The following PAK1 variants were observed in gnomAD, a reference collection of about 807,000 sequenced individuals.
PAK1 encodes the protein serine/threonine-protein kinase PAK 1.
In PAK1, 29 loss-of-function variants were observed where a neutral mutation model predicts 67.4. That is an observed-to-expected ratio of 0.43 (90% CI 0.32 to 0.59). The LOEUF is 0.59. PAK1 is among the 20% of genes least tolerant of loss of function. PAK1 has a pLI of 0.07. For synonymous variants in PAK1, 223 were observed against 237.4 expected (o/e 0.94, Z 0.56); for missense variants, 337 against 670.7 (o/e 0.50, Z 5.50).
the PAK1 span, among the ~76,000 whole-genome samples, chr11:77,506,711 G>T: frequency 2.0e-5 from 3 of 152,054 alleles, no homozygotes; most frequent in East Asian, 5.8e-4. Context: ...GTCAACATAT[G>T]GTGGTTTATT....
intron 1 of PAK1, among the ~76,000 whole-genome samples, chr11:77,444,795 A>G (rs758450289): frequency 1.3e-5 from 2 of 152,072 alleles, no homozygotes; most frequent in African/African-American, 2.4e-5. Context: ...TGTTTGGGGG[A>G]TCTCAAAACT....
the PAK1 span, among the ~76,000 whole-genome samples, chr11:77,484,774 G>C: frequency 1.3e-5 from 2 of 152,216 alleles, no homozygotes; most frequent in Non-Finnish European, 2.9e-5. Context: ...CATGGAGCTA[G>C]AAAATAGAAT....
At chr11:77,501,751 A>G in the PAK1 span, among the ~76,000 whole-genome samples, 22 of 152,356 alleles carry the variant, frequency 1.4e-4, no homozygotes, top group African/African-American at 5.3e-4. Flanking sequence ...AAGAAAAACA[A>G]GAGTCAAGAC....
chr11:77,327,282 A>ACC (rs1940199079), intron 14 of PAK1, among the ~76,000 whole-genome samples: 2 of 152,170 alleles, frequency 1.3e-5, no homozygotes, highest in East Asian at 1.9e-4. Flanking sequence ...AAATACAGAG[A>ACC]ATGCCACAAA....
chr11:77,490,594 C>T, the PAK1 span, among the ~76,000 whole-genome samples: 1 of 150,750 alleles, frequency 6.6e-6, no homozygotes, highest in African/African-American at 2.4e-5. Flanking sequence ...AGTGAGGAGC[C>T]CCTCTGCCCG....
At chr11:77,469,962 A>G (rs563186736) in intron 1 of PAK1, among the ~76,000 whole-genome samples, 1 of 152,298 alleles carries the variant, frequency 6.6e-6, no homozygotes, top group East Asian at 1.9e-4. Flanking sequence ...AACAGTCAAA[A>G]GCCTCGTTTT....
chr11:77,514,363 C>T, the PAK1 span, among the ~76,000 whole-genome samples: 4 of 151,954 alleles, frequency 2.6e-5, no homozygotes, highest in African/African-American at 4.8e-5. Context: ...GGTGTAGTGG[C>T]GGACACCTGT....
intron 14 of PAK1, among the ~76,000 whole-genome samples, chr11:77,331,807 AAAG>A (rs1941599327): frequency 7.1e-6 from 1 of 140,112 alleles, no homozygotes; most frequent in Non-Finnish European, 1.6e-5. Flanking sequence ...TGTAAAAAAA[AAAG>A]AATTAAAAAA....
rs754801007 is a variant in PAK1, at chr11:77,336,290, A to G, written c.1217-8T>C. On this transcript the variant is annotated splice_polypyrimidine_tract_variant and splice_region_variant and intron_variant, in intron 12 of 14. Coordinates refer to ENST00000356341, the MANE Select transcript of PAK1 (RefSeq NM_002576.5). ...CACAGAATCCAAAGTCAGCTAGAAAAGAAAAATAAGAGAAAGAACATACAT... is the reference window on the plus strand; with the variant it reads ...CACAGAATCCAAAGTCAGCTAGAAAGGAAAAATAAGAGAAAGAACATACAT... 6.3e-6 allele frequency: 10 copies of G among 1,592,668 alleles called. No individual in the cohort carries two copies. The highest frequency in any genetic ancestry group is 8.6e-6 in the Non-Finnish European group (10 of 1,162,510).
the PAK1 span, among the ~76,000 whole-genome samples, chr11:77,500,492 T>C: frequency 6.6e-6 from 1 of 151,706 alleles, no homozygotes; most frequent in Non-Finnish European, 1.5e-5. Flanking sequence ...AGTCGAAACA[T>C]AATTAACTGG....
At chr11:77,482,723 G>A in the PAK1 span, among the ~76,000 whole-genome samples, 1 of 151,434 alleles carries the variant, frequency 6.6e-6, no homozygotes, top group African/African-American at 2.4e-5. Context: ...CCTTCAGCCT[G>A]CTGAGTAGCT....
intron 1 of PAK1, among the ~76,000 whole-genome samples, chr11:77,404,329 G>A (rs373868436): frequency 3.3e-5 from 5 of 151,126 alleles, no homozygotes; most frequent in East Asian, 3.9e-4. Context: ...GTGCAGTGGC[G>A]CAATCTCGGC....
chr11:77,493,276 T>TTG, the PAK1 span, among the ~76,000 whole-genome samples: 58 of 21,772 alleles, frequency 2.7e-3, no homozygotes, highest in African/African-American at 0.017. Context: ...TTTTTTGTTG[T>TTG]TTTTTTTTTT....
intron 1 of PAK1, among the ~76,000 whole-genome samples, chr11:77,465,081 T>C (rs758484866): frequency 2.6e-5 from 4 of 152,094 alleles, no homozygotes; most frequent in Non-Finnish European, 5.9e-5. Context: ...CTGGAACCTT[T>C]ACCACATAGT....
rs773970537 is a variant in PAK1, at chr11:77,358,941, G to A, written c.554C>T (p.Thr185Ile). Residue 185 changes from threonine (T) to isoleucine (I), a missense_variant, in exon 6 of 15, where the codon ACC (threonine) becomes ATC (isoleucine). Transcript: ENST00000356341. ...GCGTGGAGCAATCACTGGTGGTGGG[G>A]TAGCATCATCATCATCATCATCCTC... Reference protein sequence around the residue: ...EDEDDDDDDATPPPVIAPRPE... With the variant: ...EDEDDDDDDAIPPPVIAPRPE... 2.5e-6 allele frequency: 4 copies of A among 1,613,570 alleles called. No individual in the cohort carries two copies. In the South Asian group the frequency reaches 4.4e-5, roughly 18 times the overall value.
chr11:77,483,913 T>C, the PAK1 span, among the ~76,000 whole-genome samples: 1 of 152,194 alleles, frequency 6.6e-6, no homozygotes. Context: ...ACCTATAGAA[T>C]GGCAGAGCTT....
intron 14 of PAK1, among the ~76,000 whole-genome samples, chr11:77,324,650 C>G (rs964711333): frequency 5.3e-5 from 8 of 151,914 alleles, no homozygotes; most frequent in African/African-American, 1.7e-4. Context: ...AATTGAGAAC[C>G]AGATTTGACC....
At chr11:77,403,380 A>C (rs60010669) in intron 1 of PAK1, among the ~76,000 whole-genome samples, 6,312 of 152,030 alleles carry the variant, frequency 0.042, 456 homozygotes, top group African/African-American at 0.14. Context: ...CCATTTTCTG[A>C]CCTCCAGTCC....
intron 1 of PAK1, among the ~76,000 whole-genome samples, chr11:77,468,402 C>CTT (rs1478982011): frequency 6.6e-6 from 1 of 152,182 alleles, no homozygotes; most frequent in Admixed American, 6.5e-5. Flanking sequence ...ATATACATGA[C>CTT]TTTCCCCATC....
Sources: allele counts gnomAD v4.1 joint callset (sites outside exome capture counted in the v4.1 genomes callset), GRCh38; gene constraint gnomAD v4.1.1; transcripts MANE v1.5; gene names NCBI Gene and HGNC (gene_info 2026-07-23, HGNC 2026-07-21).